The following MAP3K9 variants were observed in gnomAD, a reference collection of about 807,000 sequenced individuals.
MAP3K9 encodes the protein mitogen-activated protein kinase kinase kinase 9.
Under a neutral mutation model 95.8 loss-of-function variants are expected in MAP3K9, and 46 were observed. The observed-to-expected ratio is 0.48, with a 90% CI of 0.38 to 0.61. MAP3K9 has a LOEUF of 0.61. Ranked by LOEUF, MAP3K9 falls within the 20% of genes least tolerant of loss-of-function variation. The probability of loss-of-function intolerance (pLI) is 0.00; values close to 1 mark genes in which losing one functional copy is unlikely to be tolerated. For missense variants in MAP3K9, 1,296 were observed against 1,474.3 expected (o/e 0.88, Z 1.98); for synonymous variants, 533 against 593.8 (o/e 0.90, Z 1.49).
At chr14:70,786,230 C>T (rs2139835876) in intron 2 of MAP3K9, among the ~76,000 whole-genome samples, 2 of 152,068 alleles carry the variant, frequency 1.3e-5, no homozygotes, top group Middle Eastern at 6.8e-3. Context: ...TTAATTTAAT[C>T]CAAATACTTA....
In MAP3K9 at chr14:70,803,357, A is replaced by C. The variant is rs2054953792; in HGVS notation, c.407-2277T>G. On this transcript the variant is annotated intron_variant, in intron 1 of 11. Coordinates refer to ENST00000554752, the MANE Select transcript of MAP3K9 (RefSeq NM_001284230.2). ...GATCTTAAAAAAAAAAAAAAAAAAA[A>C]AAAAACTGAACTGGAACTAGACCTT... 3.6e-5 allele frequency among the ~76,000 whole-genome samples: 5 copies of C among 138,638 alleles called. No individual in the cohort carries two copies. In the South Asian group the frequency reaches 1.2e-3, roughly 34 times the overall value. 91.0% of individuals were successfully genotyped at this position (138,638 alleles called of 152,430 possible).
chr14:70,740,115 C>A lies in MAP3K9; in HGVS notation c.1617G>T (p.Arg539Ser). 6.2e-7 allele frequency: 1 copy of A among 1,614,160 alleles called. No homozygotes were observed. Among genetic ancestry groups the A allele is most frequent in the Non-Finnish European group, 8.5e-7 (1 of 1,180,030 alleles). The change falls in exon 7 of 12, where the codon AGG becomes AGT. Residue 539 changes from arginine (R) to serine (S), a missense_variant. Arg to Ser is a moderately radical substitution (Grantham distance 110). Transcript: ENST00000554752. ...TVQASPTMDK[R>S]KSLINSRSSP... Reference sequence around the variant, plus strand: ...TGGAGCGGCTGTTGATAAGACTCTTCCTTTTATCCATGGTAGGGGAGGCCT... The same window carrying A: ...TGGAGCGGCTGTTGATAAGACTCTTACTTTTATCCATGGTAGGGGAGGCCT...
Position 70,749,949 on chromosome 14 carries a change from A to C in MAP3K9, c.1134T>G (p.Phe378Leu), listed in dbSNP as rs1455164008. 1.2e-5 allele frequency: 20 copies of C among 1,614,090 alleles called. No individual in the cohort carries two copies. The highest frequency in any genetic ancestry group is 2.7e-5 in the African/African-American group (2 of 74,934). The stretch of plus-strand genomic sequence containing the variant: ...CTTACTTACCTTCCATGAGTTTGGC[A>C]AAAGGTTCTGGGCACGTAGAAGGAA... ...LPIPSTCPEPFAKLMEDCWNP... is the reference protein window; with the variant it reads ...LPIPSTCPEPLAKLMEDCWNP... Residue 378 changes from phenylalanine to leucine, a missense_variant, in exon 4 of 12, where the codon TTT (phenylalanine) becomes TTG (leucine). Physicochemically the swap from Phe to Leu is conservative, Grantham distance 22. Around this residue, in one of 5 missense-constraint regions of MAP3K9, gnomAD observed 136 missense variants for 221.5 expected, o/e 0.61. Transcript: ENST00000554752.
At chr14:70,733,708 C>T (rs1397152988) in intron 10 of MAP3K9, 1 of 717,842 alleles carries the variant, frequency 1.4e-6, no homozygotes, top group Non-Finnish European at 2.6e-6. Flanking sequence ...GAGGCTGTTT[C>T]CAGGGGAGAC....
chr14:70,740,531 T>C (rs777885719), intron 6 of MAP3K9, among the ~76,000 whole-genome samples: 1 of 152,226 alleles, frequency 6.6e-6, no homozygotes, highest in Non-Finnish European at 1.5e-5. Flanking sequence ...TAATCTATTA[T>C]CAGATAGATT....
Position 70,726,195 on chromosome 14 carries a change from G to C in MAP3K9, c.*4185C>G, listed in dbSNP as rs1337953582. The C allele has an allele frequency of 6.6e-6, 1 of 152,354 alleles. No individual in the cohort carries two copies. The allele number at this position is 152,354 out of a possible 1,614,324, so 9.4% of individuals were successfully genotyped here. A position where few individuals can be genotyped will look rare whatever the true frequency, so the allele number is the denominator to read the frequency against. On this transcript the variant is annotated 3_prime_UTR_variant, in exon 12 of 12. Coordinates refer to ENST00000554752, the MANE Select transcript of MAP3K9 (RefSeq NM_001284230.2). Reference sequence around the variant, plus strand: ...CTCGGGAGGTGTCTCCTTCACACAAGGGAAGGAGGAGGGAGGGAGGTCTCC... The same window carrying C: ...CTCGGGAGGTGTCTCCTTCACACAACGGAAGGAGGAGGGAGGGAGGTCTCC...
chr14:70,750,876 T>C (rs2054216681), intron 3 of MAP3K9, among the ~76,000 whole-genome samples: 1 of 152,212 alleles, frequency 6.6e-6, no homozygotes, highest in African/African-American at 2.4e-5. Flanking sequence ...CTTCAGCTTT[T>C]GTCACAGATA....
Position 70,729,277 on chromosome 14 carries a change from T to C in MAP3K9, c.*1103A>G, listed in dbSNP as rs1344017570. The C allele has an allele frequency of 6.6e-6, 1 of 152,222 alleles. No homozygotes were observed. The highest frequency in any genetic ancestry group is 2.4e-5 in the African/African-American group (1 of 41,440). The allele number at this position is 152,222 out of a possible 1,614,324, so 9.4% of individuals were successfully genotyped here. On this transcript the variant is annotated 3_prime_UTR_variant, in exon 12 of 12. Coordinates refer to ENST00000554752, the MANE Select transcript of MAP3K9 (RefSeq NM_001284230.2). ...GGGCATCACAACATGGATGGCCCAG[T>C]TGAGAGTGAATTCCCAAGTCCCAAT...
intron 3 of MAP3K9, among the ~76,000 whole-genome samples, chr14:70,760,608 A>G (rs893119493): frequency 6.6e-6 from 1 of 152,110 alleles, no homozygotes; most frequent in Non-Finnish European, 1.5e-5. Flanking sequence ...TCCCCTCCCC[A>G]AGTTCAGCAG....
At position 70,733,186 on chromosome 14, in the gene MAP3K9, G is replaced by A. The variant is rs143232244; in HGVS notation, c.2183C>T (p.Thr728Met). Residue 728 changes from threonine (T) to methionine (M), a missense_variant, in exon 11 of 12, where the codon ACG becomes ATG. Coordinates refer to ENST00000554752, the MANE Select transcript of MAP3K9 (RefSeq NM_001284230.2). Reference protein sequence around the residue: ...HEEPTPVNSATSTPQLTPTNS... With the variant: ...HEEPTPVNSAMSTPQLTPTNS... Reference sequence around the variant, plus strand: ...GGTTGGCGTCAGCTGAGGGGTACTCGTGGCCGAGTTGACTGGGGTGGGCTC... The same window carrying A: ...GGTTGGCGTCAGCTGAGGGGTACTCATGGCCGAGTTGACTGGGGTGGGCTC... 5.6e-5 allele frequency: 90 copies of A among 1,610,584 alleles called. No individual in the cohort carries two copies. Among genetic ancestry groups the A allele is most frequent in the Non-Finnish European group, 6.7e-5 (79 of 1,177,534 alleles).
rs1376222649 is a variant in MAP3K9, at chr14:70,750,025, T to C, written c.1058A>G (p.Asp353Gly). 1 of 1,614,146 alleles carries C rather than the reference T, an allele frequency of 6.2e-7. No individual in the cohort carries two copies. Among genetic ancestry groups the C allele is most frequent in the Non-Finnish European group, 8.5e-7 (1 of 1,180,022 alleles). Reference sequence around the variant, plus strand: ...CACTCCATAAGCGACTGCTAAGCCATCAATGCCTCGAAAGGGCACCTCACC... The same window carrying C: ...CACTCCATAAGCGACTGCTAAGCCACCAATGCCTCGAAAGGGCACCTCACC... ...LTGEVPFRGI[D>G]GLAVAYGVAM... The change falls in exon 4 of 12, where the codon GAT becomes GGT. Residue 353 changes from aspartate (D) to glycine (G), a missense_variant. Transcript: ENST00000554752.
intron 7 of MAP3K9, among the ~76,000 whole-genome samples, chr14:70,739,525 C>CTT (rs1555367485): frequency 4.0e-5 from 6 of 151,806 alleles, no homozygotes; most frequent in African/African-American, 1.4e-4. Flanking sequence ...CACACACACA[C>CTT]ACTTACATGT....
intron 2 of MAP3K9, among the ~76,000 whole-genome samples, chr14:70,772,964 A>G (rs1302089466): frequency 6.6e-6 from 1 of 152,224 alleles, no homozygotes; most frequent in Non-Finnish European, 1.5e-5. Context: ...ACCCCAGACC[A>G]CCATGCCATA....
At chr14:70,798,476 T>G (rs796410716) in intron 2 of MAP3K9, among the ~76,000 whole-genome samples, 1 of 114,900 alleles carries the variant, frequency 8.7e-6, no homozygotes, top group Admixed American at 8.6e-5. Flanking sequence ...CAAAAGTTTT[T>G]TTTTTTTTTT....
chr14:70,808,721 G>A, intron 1 of MAP3K9, 45 bp downstream of exon 1: 2 of 1,354,444 alleles, frequency 1.5e-6, no homozygotes, highest in Non-Finnish European at 1.9e-6. Flanking sequence ...CGCCCCCCAG[G>A]CCTCCGTCAT....
At position 70,724,103 on chromosome 14, in the gene MAP3K9, C is replaced by T. The variant is rs997741618; in HGVS notation, c.*6277G>A. ...ACTTTAGTCCCTTCTGAAATCTGGACGAGAGAATGAATGAAGTTCATTCAC... is the reference window on the plus strand; with the variant it reads ...ACTTTAGTCCCTTCTGAAATCTGGATGAGAGAATGAATGAAGTTCATTCAC... On this transcript the variant is annotated 3_prime_UTR_variant, in exon 12 of 12. Coordinates refer to ENST00000554752, the MANE Select transcript of MAP3K9 (RefSeq NM_001284230.2). 3.3e-5 allele frequency: 5 copies of T among 152,084 alleles called. No individual in the cohort carries two copies. Among genetic ancestry groups the T allele is most frequent in the Admixed American group, 2.0e-4 (3 of 15,256 alleles). 9.4% of individuals were successfully genotyped at this position (152,084 alleles called of 1,614,324 possible).
intron 2 of MAP3K9, among the ~76,000 whole-genome samples, chr14:70,794,104 G>T (rs925008930): frequency 5.3e-5 from 8 of 152,224 alleles, no homozygotes; most frequent in African/African-American, 1.9e-4. Flanking sequence ...GGTTGGACAG[G>T]CAGAGAGATG....
rs1054802552 is a variant in MAP3K9, at chr14:70,726,351, A to G, written c.*4029T>C. The G allele has an allele frequency of 2.5e-4, 38 of 152,278 alleles. No homozygotes were observed. The highest frequency in any genetic ancestry group is 8.4e-4 in the African/African-American group (35 of 41,480). The allele number at this position is 152,278 out of a possible 1,614,324, so 9.4% of individuals were successfully genotyped here. On this transcript the variant is annotated 3_prime_UTR_variant, in exon 12 of 12. Transcript: ENST00000554752. ...CTTAGTGACCATGACACATGTCCCA[A>G]GAACAAGGGGACCCTTTTCCAAAGA...
intron 3 of MAP3K9, among the ~76,000 whole-genome samples, chr14:70,755,975 T>C (rs1371878996): frequency 6.6e-6 from 1 of 152,112 alleles, no homozygotes; most frequent in Non-Finnish European, 1.5e-5. Flanking sequence ...CTCTAGAGAG[T>C]AGAATAATTT....
Sources: gnomAD v4.1 joint callset for allele counts (sites outside exome capture counted in the v4.1 genomes callset) on GRCh38, gnomAD v4.1.1 for gene constraint, gnomAD v4.1.1 regional missense constraint, MANE v1.5 for transcripts, NCBI Gene and HGNC (gene_info 2026-07-23, HGNC 2026-07-21) for gene names.